The following XYLB variants were observed in gnomAD, a reference collection of about 807,000 sequenced individuals.
XYLB encodes the protein xylulokinase.
Under a neutral mutation model 78.7 loss-of-function variants are expected in XYLB, and 62 were observed. That is an observed-to-expected ratio of 0.79 (90% CI 0.64 to 0.97). The LOEUF (loss-of-function observed/expected upper bound fraction) is 0.97, where lower values mean the gene tolerates loss of function less well. Among genes scored for constraint, XYLB ranks in the 50% least tolerant of loss-of-function variants. The probability of loss-of-function intolerance (pLI) is 0.00; values close to 1 mark genes in which losing one functional copy is unlikely to be tolerated. For missense variants in XYLB, 687 were observed against 676.8 expected (o/e 1.02, Z -0.17); for synonymous variants, 245 against 247.4 (o/e 0.99, Z 0.09).
downstream of XYLB, among the ~76,000 whole-genome samples, chr3:38,422,092 A>G (rs1029500207): frequency 6.6e-6 from 1 of 152,154 alleles, no homozygotes; most frequent in African/African-American, 2.4e-5. Context: ...ATTAATCAAC[A>G]TGGACCAGGT....
the XYLB span, among the ~76,000 whole-genome samples, chr3:38,439,721 C>T: frequency 9.3e-5 from 14 of 150,686 alleles, no homozygotes; most frequent in Non-Finnish European, 1.6e-4. Flanking sequence ...GAGATAGCGC[C>T]ACTGCACTCT....
chr3:38,447,463 C>A, the XYLB span, among the ~76,000 whole-genome samples: 1 of 137,324 alleles, frequency 7.3e-6, no homozygotes, highest in Non-Finnish European at 1.6e-5. Context: ...ACCACCACAT[C>A]TGGCTAATTT....
At chr3:38,363,770 G>A (rs139107341) in intron 4 of XYLB, among the ~76,000 whole-genome samples, 70 of 152,302 alleles carry the variant, frequency 4.6e-4, no homozygotes, top group African/African-American at 1.6e-3. Flanking sequence ...GGCACGGAGA[G>A]GTGATGTCAC....
In XYLB at chr3:38,367,196, T is replaced by G. The variant is rs2125585517; in HGVS notation, c.573+323T>G. Among the ~76,000 whole-genome samples the G allele has an allele frequency of 1.3e-5, 2 of 152,262 alleles. 1 individual carries two copies. Among genetic ancestry groups the G allele is most frequent in the South Asian group, 4.2e-4 (2 of 4,814 alleles). ...CTGAGCAGGCTGTGTCTGCTCACTT[T>G]CCTATGTGGTTAACGCAGGAGGGCT... is the stretch of plus-strand genomic sequence containing the variant. On this transcript the variant is annotated intron_variant, in intron 7 of 18. Transcript: ENST00000207870.
intron 7 of XYLB, among the ~76,000 whole-genome samples, chr3:38,367,698 T>C (rs960621387): frequency 1.3e-5 from 2 of 152,102 alleles, no homozygotes; most frequent in African/African-American, 4.8e-5. Context: ...GCATTGAAAA[T>C]CCATCATCTA....
intron 4 of XYLB, among the ~76,000 whole-genome samples, chr3:38,364,324 C>T (rs1464785934): frequency 1.3e-5 from 2 of 151,880 alleles, no homozygotes; most frequent in Admixed American, 6.6e-5. Flanking sequence ...TGTCATTCTT[C>T]TCCAGGTCTC....
intron 2 of XYLB, among the ~76,000 whole-genome samples, chr3:38,358,938 C>G (rs1004374793): frequency 6.6e-6 from 1 of 152,206 alleles, no homozygotes; most frequent in African/African-American, 2.4e-5. Context: ...ATATCACCCC[C>G]CAAAAGATCG....
At chr3:38,415,870 T>C (rs1708772649), downstream of XYLB, among the ~76,000 whole-genome samples, 1 of 152,128 alleles carries the variant, frequency 6.6e-6, no homozygotes, top group Non-Finnish European at 1.5e-5. Context: ...TGGGGAGGCC[T>C]CAGGAAACCT....
rs767539363 is a variant in XYLB at position 38,365,597 on chromosome 3, C to T, written c.379-11C>T. The T allele has an allele frequency of 1.2e-6, 2 of 1,604,952 alleles. No individual in the cohort carries two copies. The highest frequency in any genetic ancestry group is 2.2e-5 in the East Asian group (1 of 44,682). The stretch of plus-strand genomic sequence containing the variant: ...TGGAGCTTAAGCCTGTGCCTTTGCC[C>T]TCCTTCCCAGGACTGTTTCTCCATC... On this transcript the variant is annotated splice_polypyrimidine_tract_variant and intron_variant, in intron 5 of 18. Transcript: ENST00000207870.
the XYLB span, among the ~76,000 whole-genome samples, chr3:38,443,962 A>G: frequency 6.6e-6 from 1 of 152,192 alleles, no homozygotes; most frequent in African/African-American, 2.4e-5. Flanking sequence ...GTGGGGATCC[A>G]TACTGGGGAT....
chr3:38,439,532 G>T, the XYLB span, among the ~76,000 whole-genome samples: 1 of 152,178 alleles, frequency 6.6e-6, no homozygotes, highest in Non-Finnish European at 1.5e-5. Context: ...GGAGGCCGAG[G>T]CAGGCAGATC....
At chr3:38,410,686 A>C (rs564129006) in intron 18 of XYLB, among the ~76,000 whole-genome samples, 1 of 152,164 alleles carries the variant, frequency 6.6e-6, no homozygotes, top group Non-Finnish European at 1.5e-5. Context: ...ACAAATTTAC[A>C]AGAAAAAAAC....
At chr3:38,354,757 G>A (rs1182772523) in intron 2 of XYLB, among the ~76,000 whole-genome samples, 1 of 152,108 alleles carries the variant, frequency 6.6e-6, no homozygotes, top group East Asian at 1.9e-4. Context: ...ACCCACCTCG[G>A]CCTCCCAGGG....
chr3:38,381,474 A>G (rs1216019095), intron 15 of XYLB, among the ~76,000 whole-genome samples: 1 of 152,278 alleles, frequency 6.6e-6, no homozygotes, highest in Non-Finnish European at 1.5e-5. Context: ...TGTTCAGGGA[A>G]TAAGAGAGAT....
At chr3:38,449,576 G>A in the XYLB span, among the ~76,000 whole-genome samples, 1 of 152,168 alleles carries the variant, frequency 6.6e-6, no homozygotes, top group Non-Finnish European at 1.5e-5. Flanking sequence ...GTTTTCATGT[G>A]AAGATTTTGA....
At chr3:38,400,759 A>G in intron 17 of XYLB, 132 bp from the exon 18 acceptor site, 1 of 647,258 alleles carries the variant, frequency 1.5e-6, no homozygotes. Flanking sequence ...TCATAAATGT[A>G]CTGAATTGTG....
chr3:38,375,624 G>C (rs1706812299), intron 12 of XYLB, among the ~76,000 whole-genome samples: 1 of 152,166 alleles, frequency 6.6e-6, no homozygotes, highest in Non-Finnish European at 1.5e-5. Flanking sequence ...TCTGGCATGT[G>C]GTGGACCCTC....
chr3:38,440,153 T>G, the XYLB span, among the ~76,000 whole-genome samples: 1 of 152,196 alleles, frequency 6.6e-6, no homozygotes, highest in Non-Finnish European at 1.5e-5. Flanking sequence ...GACTTCAGCT[T>G]TGAGGGGCAC....
At chr3:38,415,494 A>G (rs372990611), downstream of XYLB, among the ~76,000 whole-genome samples, 9 of 152,258 alleles carry the variant, frequency 5.9e-5, no homozygotes, top group African/African-American at 1.9e-4. Flanking sequence ...GTATAAAGAT[A>G]GTACCCAGCT....
Sources: allele counts gnomAD v4.1 joint callset (sites outside exome capture counted in the v4.1 genomes callset), GRCh38; gene constraint gnomAD v4.1.1; transcripts MANE v1.5; gene names NCBI Gene and HGNC (gene_info 2026-07-23, HGNC 2026-07-21).